The following DGKG variants were observed in gnomAD, a reference collection of about 807,000 sequenced individuals.
DGKG encodes DAG kinase gamma.
In DGKG, 78 loss-of-function variants were observed where a neutral mutation model predicts 105.3. The ratio of observed to expected loss-of-function variants is 0.74; its 90% CI spans 0.62 to 0.89. DGKG has a LOEUF of 0.89. Ranked by LOEUF, DGKG falls within the 40% of genes least tolerant of loss-of-function variation. The pLI, the probability that DGKG is intolerant of heterozygous loss-of-function variation, is 0.00. For synonymous variants in DGKG, 346 were observed against 367.1 expected, an observed-to-expected ratio of 0.94 and a Z score of 0.66; for missense variants, 958 against 1,020.1, an observed-to-expected ratio of 0.94 and a Z score of 0.83.
intron 1 of DGKG, among the ~76,000 whole-genome samples, chr3:186,340,593 T>C (rs1240195377): frequency 6.6e-6 from 1 of 152,242 alleles, no homozygotes; most frequent in Non-Finnish European, 1.5e-5. Flanking sequence ...ACCCTGTTGC[T>C]GATGGAATCA....
rs757248824 is a variant in DGKG at position 186,288,717 on chromosome 3, C to G, written c.537G>C (p.Lys179Asn). 1 of 1,614,138 alleles carries G rather than the reference C, an allele frequency of 6.2e-7. No individual in the cohort carries two copies. The highest frequency in any genetic ancestry group is 8.5e-7 in the Non-Finnish European group (1 of 1,180,006). Residue 179 changes from lysine (K) to asparagine (N), a missense_variant, in exon 6 of 25, where the codon AAG (lysine) becomes AAC (asparagine). Lys to Asn is a moderately conservative substitution (Grantham distance 94). This residue lies in a region of DGKG where 643 missense variants were observed against 619.5 expected (regional missense o/e 1.04). Transcript: ENST00000265022. ...GACAGGGTGAGCACTTACACTCCAG[C>G]TTATCCTGAGGCCTCCCCGTCTCCA... Reference protein sequence around the residue: ...SLLETGRPQDKLEFMFRLYDS... With the variant: ...SLLETGRPQDNLEFMFRLYDS...
chr3:186,205,909 A>T (rs1718709620), intron 21 of DGKG, among the ~76,000 whole-genome samples: 1 of 152,194 alleles, frequency 6.6e-6, no homozygotes. Context: ...AATTAAAAAA[A>T]TCCTCAATTA....
chr3:186,155,779 G>C (rs1006744083), intron 24 of DGKG, among the ~76,000 whole-genome samples: 4 of 152,188 alleles, frequency 2.6e-5, no homozygotes, highest in Admixed American at 6.5e-5. Context: ...CTCACTGTAT[G>C]AGTGTCCTGG....
rs1725032870 is a variant in DGKG at position 186,320,617 on chromosome 3, A to T, written c.-158T>A. The stretch of plus-strand genomic sequence containing the variant: ...TCAAGTGTATACAGCAGCAGCAGGC[A>T]CCTCTCAGAAGATGAGACAAGATCT... On this transcript the variant is annotated 5_prime_UTR_variant, in exon 2 of 25. Coordinates refer to ENST00000265022, the MANE Select transcript of DGKG (RefSeq NM_001346.3). The T allele has an allele frequency of 5.7e-6, 7 of 1,228,916 alleles. 1 individual carries two copies. The South Asian group carries it at 7.2e-5, about 13-fold the overall frequency. 76.1% of individuals were successfully genotyped at this position (1,228,916 alleles called of 1,614,324 possible). A position where few individuals can be genotyped will look rare whatever the true frequency, so the allele number is the denominator to read the frequency against.
At chr3:186,207,349 C>T (rs767304658) in intron 21 of DGKG, 23 of 660,514 alleles carry the variant, frequency 3.5e-5, no homozygotes, top group Admixed American at 6.3e-5. Context: ...CCGAAACTCT[C>T]GGGTGTCTGG....
chr3:186,242,121 T>A (rs1261340068), intron 20 of DGKG, among the ~76,000 whole-genome samples: 1 of 152,140 alleles, frequency 6.6e-6, no homozygotes, highest in East Asian at 1.9e-4. Flanking sequence ...GCCTCCCTGC[T>A]CTTCCCCAAA....
At chr3:186,224,364 G>T (rs1719746760) in intron 20 of DGKG, among the ~76,000 whole-genome samples, 1 of 152,154 alleles carries the variant, frequency 6.6e-6, no homozygotes, top group East Asian at 1.9e-4. Context: ...CTAAAGCATT[G>T]CCTTTGCCCA....
At chr3:186,356,180 G>A (rs1231444477) in intron 1 of DGKG, among the ~76,000 whole-genome samples, 2 of 152,110 alleles carry the variant, frequency 1.3e-5, no homozygotes, top group Non-Finnish European at 2.9e-5. Flanking sequence ...TCTATGTTTA[G>A]GGAACATACA....
intron 5 of DGKG, among the ~76,000 whole-genome samples, chr3:186,289,095 G>A (rs1723199362): frequency 6.6e-6 from 1 of 152,164 alleles, no homozygotes; most frequent in African/African-American, 2.4e-5. Context: ...ACCCCTTTAA[G>A]AGTCTATTTC....
At position 186,320,674 on chromosome 3, in the gene DGKG, G is replaced by T; in HGVS notation, c.-215C>A. ...TTCCTTAGGCAACATCCTCCTGTCT[G>T]TATTCAAGGTAAATTCAGAAGTCCT... On this transcript the variant is annotated 5_prime_UTR_variant, in exon 2 of 25. Coordinates refer to ENST00000265022, the MANE Select transcript of DGKG (RefSeq NM_001346.3). The T allele has an allele frequency of 1.8e-6, 1 of 569,670 alleles. No individual in the cohort carries two copies. Among genetic ancestry groups the T allele is most frequent in the Non-Finnish European group, 2.8e-6 (1 of 362,054 alleles). 35.3% of individuals were successfully genotyped at this position (569,670 alleles called of 1,614,324 possible).
chr3:186,238,850 C>T (rs1720544064), intron 20 of DGKG, among the ~76,000 whole-genome samples: 2 of 152,168 alleles, frequency 1.3e-5, no homozygotes, highest in South Asian at 4.1e-4. Context: ...CCACTATCTT[C>T]CCTGGCAACA....
chr3:186,298,739 T>C (rs1723720942), intron 3 of DGKG, among the ~76,000 whole-genome samples: 1 of 152,184 alleles, frequency 6.6e-6, no homozygotes, highest in South Asian at 2.1e-4. Context: ...TCTTGTACCA[T>C]GACGGATGTG....
chr3:186,197,889 A>G (rs1304167333), intron 21 of DGKG, among the ~76,000 whole-genome samples: 1 of 152,198 alleles, frequency 6.6e-6, no homozygotes, highest in Non-Finnish European at 1.5e-5. Context: ...GCTTTCCTCA[A>G]TGCTCTTGCT....
chr3:186,236,515 A>G (rs1037182011), intron 20 of DGKG, among the ~76,000 whole-genome samples: 4 of 152,260 alleles, frequency 2.6e-5, no homozygotes, highest in Admixed American at 6.5e-5. Flanking sequence ...AAGGTCACAT[A>G]GCTAATAAGC....
intron 2 of DGKG, among the ~76,000 whole-genome samples, chr3:186,309,297 A>G (rs1170746477): frequency 6.6e-6 from 1 of 152,242 alleles, no homozygotes; most frequent in Non-Finnish European, 1.5e-5. Context: ...GCAACGGTGC[A>G]GAGATGGGCA....
Position 186,328,714 on chromosome 3 carries a change from T to C in DGKG, c.-248-8007A>G, listed in dbSNP as rs146242347. On this transcript the variant is annotated intron_variant, in intron 1 of 24. Coordinates refer to ENST00000265022, the MANE Select transcript of DGKG (RefSeq NM_001346.3). ...CCTCAGCCTCCCGAGTAGCTGGGACTACAGGCACCTGCCACCACGCCCGGC... is the reference window on the plus strand; with the variant it reads ...CCTCAGCCTCCCGAGTAGCTGGGACCACAGGCACCTGCCACCACGCCCGGC... 9.4e-3 allele frequency among the ~76,000 whole-genome samples: 1,434 copies of C among 152,108 alleles called. 22 individuals are homozygous for C. Among genetic ancestry groups the C allele is most frequent in the African/African-American group, 0.031 (1,298 of 41,472 alleles).
Position 186,260,421 on chromosome 3 carries a change from A to G in DGKG, c.1424+18T>C. ...AGGGAGGGGGAGAAATAAGAGGTAA[A>G]GATTGTGATCTCCATACCCTGGAGT... On this transcript the variant is annotated intron_variant, in intron 16 of 24. Transcript: ENST00000265022. The G allele has an allele frequency of 6.3e-7, 1 of 1,582,106 alleles. No homozygotes were observed. Among genetic ancestry groups the G allele is most frequent in the Non-Finnish European group, 8.7e-7 (1 of 1,151,132 alleles).
intron 1 of DGKG, among the ~76,000 whole-genome samples, chr3:186,353,953 T>C (rs1198746233): frequency 1.3e-5 from 2 of 152,154 alleles, no homozygotes; most frequent in Admixed American, 1.3e-4. Flanking sequence ...AGCTTCCTAA[T>C]AGTTGAGAAA....
rs75704792 is a variant in DGKG at position 186,353,799 on chromosome 3, A to C, written c.-249+8147T>G. Reference sequence around the variant, plus strand: ...GACTAGCATGAAGTGGGTGCTCAGCACATATTTACTGATTGAATATTGGTT... The same window carrying C: ...GACTAGCATGAAGTGGGTGCTCAGCCCATATTTACTGATTGAATATTGGTT... On this transcript the variant is annotated intron_variant, in intron 1 of 24. Coordinates refer to ENST00000265022, the MANE Select transcript of DGKG (RefSeq NM_001346.3). 4.8e-3 allele frequency among the ~76,000 whole-genome samples: 738 copies of C among 152,166 alleles called. 5 individuals are homozygous for C. Among genetic ancestry groups the C allele is most frequent in the African/African-American group, 0.016 (648 of 41,508 alleles).
Sources: allele counts gnomAD v4.1 joint callset (sites outside exome capture counted in the v4.1 genomes callset), GRCh38; gene constraint gnomAD v4.1.1; regional missense constraint gnomAD v4.1.1; transcripts MANE v1.5; gene names NCBI Gene and HGNC (gene_info 2026-07-23, HGNC 2026-07-21).